The following TNNT2 variants were observed in gnomAD, a reference collection of about 807,000 sequenced individuals.
TNNT2 encodes troponin T2, cardiac type.
TNNT2 carries 34 observed loss-of-function variants against 62.4 expected under a neutral mutation model. The ratio of observed to expected loss-of-function variants is 0.54; its 90% CI spans 0.41 to 0.72. The LOEUF is 0.72. Among genes scored for constraint, TNNT2 ranks in the 30% least tolerant of loss-of-function variants. The pLI, the probability that TNNT2 is intolerant of heterozygous loss-of-function variation, is 0.00. For synonymous variants in TNNT2, 123 were observed against 127.2 expected (o/e 0.97, Z 0.22); for missense variants, 275 against 381.9 (o/e 0.72, Z 2.33).
At chr1:201,371,271 C>T (rs983012405) in intron 4 of TNNT2, among the ~76,000 whole-genome samples, 2 of 152,268 alleles carry the variant, frequency 1.3e-5, no homozygotes, top group Admixed American at 6.5e-5. Context: ...GTGCCAAGCT[C>T]TCAGGAAGAA....
chr1:201,367,169 G>A (rs1659820389), intron 7 of TNNT2: 1 of 520,846 alleles, frequency 1.9e-6, no homozygotes, highest in South Asian at 2.0e-5. Flanking sequence ...TGCTTCTCTT[G>A]TGCTTCACAG....
At chr1:201,367,651 T>C in intron 7 of TNNT2, 120 bp downstream of exon 7, 1 of 1,164,834 alleles carries the variant, frequency 8.6e-7, no homozygotes, top group East Asian at 2.3e-5. Flanking sequence ...TGTCCTCTCC[T>C]CTCCCAAACC....
chr1:201,373,604 A>C (rs1157955425), intron 1 of TNNT2: 1 of 397,034 alleles, frequency 2.5e-6, no homozygotes, highest in African/African-American at 2.1e-5. Flanking sequence ...CCCACTCCAC[A>C]GGATCTGTTC....
chr1:201,364,433 G>T, intron 10 of TNNT2, 58 bp from the exon 11 acceptor site: 4 of 1,568,394 alleles, frequency 2.6e-6, no homozygotes, highest in Middle Eastern at 1.7e-4. Flanking sequence ...GACATCGCAG[G>T]TACAGAAACC....
intron 3 of TNNT2, 40 bp downstream of exon 3, chr1:201,372,105 G>A: frequency 6.2e-7 from 1 of 1,614,122 alleles, no homozygotes; most frequent in Non-Finnish European, 8.5e-7. Context: ...TTCGAACCAG[G>A]CTGTCTTTGA....
intron 12 of TNNT2, chr1:201,363,061 T>A: frequency 2.1e-6 from 2 of 942,678 alleles, no homozygotes; most frequent in Non-Finnish European, 2.5e-6. Flanking sequence ...GGGGGCACCA[T>A]TGGTGCCCCA....
rs748011095 is a variant in TNNT2 at position 201,363,276 on chromosome 1, C to A, written c.600+20G>T. On this transcript the variant is annotated intron_variant, in intron 12 of 16. Transcript: ENST00000656932. ...GGCTATACTAGGATCTCCTGGCAAC[C>A]CCTGCTGCTCCCTACCTACCTTCTG... 3.7e-6 allele frequency: 6 copies of A among 1,613,742 alleles called. No homozygotes were observed. The African/African-American group carries it at 8.0e-5, about 22-fold the overall frequency.
At chr1:201,377,476 C>A in intron 1 of TNNT2, 147 bp downstream of exon 1, 1 of 453,006 alleles carries the variant, frequency 2.2e-6, no homozygotes. Context: ...GGCAACCTGT[C>A]CTCTGAAGTG....
rs746131983 is a variant in TNNT2, at chr1:201,359,188, C to T, written c.*22G>A. On this transcript the variant is annotated 3_prime_UTR_variant, in exon 17 of 17. Transcript: ENST00000656932. ...AGGCAGGTGCGAGCGAGGAGCAGAT[C>T]TTTGGTGAAGGAGGCCAGGCTCTAT... The T allele has an allele frequency of 2.5e-6, 4 of 1,605,872 alleles. No individual in the cohort carries two copies. The highest frequency in any genetic ancestry group is 2.7e-5 in the African/African-American group (2 of 74,894).
chr1:201,362,169 C>G (rs1658785043), intron 13 of TNNT2, 147 bp from the exon 14 acceptor site: 1 of 1,170,426 alleles, frequency 8.5e-7, no homozygotes, highest in Admixed American at 1.9e-5. Flanking sequence ...CAACTACCAA[C>G]TACATGTATT....
At chr1:201,363,231 G>A in intron 12 of TNNT2, 65 bp downstream of exon 12, 2 of 1,612,342 alleles carry the variant, frequency 1.2e-6, no homozygotes. Flanking sequence ...ACCTGCTGCA[G>A]TGGACACCTC....
At position 201,361,316 on chromosome 1, in the gene TNNT2, A is replaced by T; in HGVS notation, c.773T>A (p.Phe258Tyr). The part of the protein sequence containing the change: ...QSIYNLEAEK[F>Y]DLQEKFKQQK... ...CTGCTTGAACTTCTCCTGCAGGTCG[A>T]ACTTCTCTGCCTCCAAGTTATAGAT... Residue 258 changes from phenylalanine to tyrosine, a missense_variant, in exon 15 of 17, where the codon TTC becomes TAC. Transcript: ENST00000656932. 6.2e-7 allele frequency: 1 copy of T among 1,614,114 alleles called. No individual in the cohort carries two copies. Among genetic ancestry groups the T allele is most frequent in the Non-Finnish European group, 8.5e-7 (1 of 1,179,994 alleles).
At chr1:201,377,064 G>A (rs1468170115) in intron 1 of TNNT2, among the ~76,000 whole-genome samples, 1 of 152,186 alleles carries the variant, frequency 6.6e-6, no homozygotes, top group Non-Finnish European at 1.5e-5. Flanking sequence ...TGCACATCTG[G>A]TCGTTCTCAG....
chr1:201,373,073 C>T (rs763774446), intron 2 of TNNT2, 141 bp downstream of exon 2: 1 of 840,952 alleles, frequency 1.2e-6, no homozygotes, highest in Admixed American at 1.7e-5. Flanking sequence ...AAGGAAATGG[C>T]TATATCTCTC....
At chr1:201,367,291 A>G (rs1289952064) in intron 7 of TNNT2, 13 of 386,448 alleles carry the variant, frequency 3.4e-5, no homozygotes, top group Non-Finnish European at 5.8e-5. Flanking sequence ...GCAGAAGCTG[A>G]TGACATGATT....
At chr1:201,365,425 G>A (rs561667585) in intron 9 of TNNT2, 118 bp from the exon 10 acceptor site, 9 of 1,206,090 alleles carry the variant, frequency 7.5e-6, no homozygotes, top group African/African-American at 3.0e-5. Flanking sequence ...CTGGCGCCTG[G>A]CCAGGGAAGG....
At chr1:201,359,868 T>G (rs1020886379) in intron 15 of TNNT2, among the ~76,000 whole-genome samples, 26 of 152,094 alleles carry the variant, frequency 1.7e-4, no homozygotes, top group African/African-American at 6.3e-4. Flanking sequence ...GCTTCCAGGA[T>G]GCCTCATGGG....
rs553032570 is a variant in TNNT2, at chr1:201,365,378, C to T, written c.295-71G>A. On this transcript the variant is annotated intron_variant, in intron 9 of 16. Coordinates refer to ENST00000656932, the MANE Select transcript of TNNT2 (RefSeq NM_001276345.2). ...CCAGAGGAGAGATGGGTGGGCTAGA[C>T]ACCCCCCAACGCAGTGCAAAAGACC... 1.4e-5 allele frequency: 19 copies of T among 1,385,430 alleles called. No homozygotes were observed. In the African/African-American group the frequency reaches 2.3e-4, roughly 17 times the overall value. The allele number at this position is 1,385,430 out of a possible 1,614,324, so 85.8% of individuals were successfully genotyped here.
At chr1:201,363,739 C>T in intron 11 of TNNT2, 1 of 412,354 alleles carries the variant, frequency 2.4e-6, no homozygotes, top group Non-Finnish European at 4.5e-6. Flanking sequence ...ACGAAGTCTG[C>T]ACTGGGGAAG....
Sources: gnomAD v4.1 joint callset for allele counts (sites outside exome capture counted in the v4.1 genomes callset) on GRCh38, gnomAD v4.1.1 for gene constraint, MANE v1.5 for transcripts, NCBI Gene and HGNC (gene_info 2026-07-23, HGNC 2026-07-21) for gene names.